KCNIP4: variants seen among roughly 807,000 people sequenced by gnomAD.
The protein encoded by KCNIP4 is Kv channel-interacting protein 4.
KCNIP4 carries 12 observed loss-of-function variants against 34.0 expected under a neutral mutation model. The ratio of observed to expected loss-of-function variants is 0.35; its 90% CI spans 0.23 to 0.57. The LOEUF is 0.57. Among genes scored for constraint, KCNIP4 ranks in the 20% least tolerant of loss-of-function variants. KCNIP4 has a pLI of 0.83. For missense variants in KCNIP4, 238 were observed against 311.7 expected, an observed-to-expected ratio of 0.76 and a Z score of 1.78; for synonymous variants, 124 against 102.2, an observed-to-expected ratio of 1.21 and a Z score of -1.29.
At chr4:20,816,164 G>A (rs1319362359) in intron 3 of KCNIP4, among the ~76,000 whole-genome samples, 1 of 150,342 alleles carries the variant, frequency 6.7e-6, no homozygotes, top group Non-Finnish European at 1.5e-5. Flanking sequence ...TGAGGCAGGA[G>A]AATCACTTGA....
At chr4:21,556,940 A>C (rs1159103680) in intron 1 of KCNIP4, among the ~76,000 whole-genome samples, 8 of 149,932 alleles carry the variant, frequency 5.3e-5, no homozygotes, top group Admixed American at 2.7e-4. Context: ...AAAAAAAAAA[A>C]AAACCAGAAA....
chr4:20,822,161 A>C (rs1056304336), intron 3 of KCNIP4, among the ~76,000 whole-genome samples: 3 of 152,232 alleles, frequency 2.0e-5, no homozygotes, highest in African/African-American at 7.2e-5. Flanking sequence ...TTTGGAAACT[A>C]TACATCCAAT....
intron 1 of KCNIP4, among the ~76,000 whole-genome samples, chr4:21,700,401 G>A (rs1712736972): frequency 6.6e-6 from 1 of 152,118 alleles, no homozygotes; most frequent in South Asian, 2.1e-4. Flanking sequence ...ATAAACGCCT[G>A]TTCAGGTCCT....
chr4:21,099,563 C>T (rs188030214), intron 1 of KCNIP4, among the ~76,000 whole-genome samples: 100 of 152,050 alleles, frequency 6.6e-4, no homozygotes, highest in Admixed American at 2.0e-3. Flanking sequence ...ACATGGCACA[C>T]GTTTACCTAT....
chr4:20,757,397 C>A (rs1266999311), intron 4 of KCNIP4, among the ~76,000 whole-genome samples: 2 of 152,108 alleles, frequency 1.3e-5, no homozygotes, highest in South Asian at 2.1e-4. Flanking sequence ...GTATCCCAAA[C>A]ACAAATCAAA....
intron 1 of KCNIP4, among the ~76,000 whole-genome samples, chr4:20,889,055 C>T (rs1725626462): frequency 6.6e-6 from 1 of 152,064 alleles, no homozygotes; most frequent in Non-Finnish European, 1.5e-5. Context: ...CTTTCACCAT[C>T]CTTTAAATTG....
rs115914682 is a variant in KCNIP4 at position 21,370,525 on chromosome 4, A to G, written c.62-487816T>C. On this transcript the variant is annotated intron_variant, in intron 1 of 8. Coordinates refer to ENST00000382152, the MANE Select transcript of KCNIP4 (RefSeq NM_025221.6). The stretch of plus-strand genomic sequence containing the variant: ...TATACAACATATAATAAAGTATAAA[A>G]ACCTATGTTCTAAGTGCTATTGAGA... 3.4e-3 allele frequency among the ~76,000 whole-genome samples: 496 copies of G among 145,182 alleles called. 77 individuals carry two copies. The highest frequency in any genetic ancestry group is 0.013 in the African/African-American group (460 of 35,300).
At chr4:21,626,420 G>C (rs754800769) in intron 1 of KCNIP4, among the ~76,000 whole-genome samples, 7 of 151,588 alleles carry the variant, frequency 4.6e-5, no homozygotes, top group Non-Finnish European at 1.0e-4. Context: ...TGTGCACAAA[G>C]AGGTCATGTG....
intron 1 of KCNIP4, among the ~76,000 whole-genome samples, chr4:21,263,322 G>C (rs1036048461): frequency 6.6e-6 from 1 of 152,186 alleles, no homozygotes; most frequent in Non-Finnish European, 1.5e-5. Context: ...TCAGAGCTAA[G>C]GAATGTGCCC....
At chr4:21,590,385 C>A (rs181614636) in intron 1 of KCNIP4, among the ~76,000 whole-genome samples, 1 of 151,838 alleles carries the variant, frequency 6.6e-6, no homozygotes, top group Non-Finnish European at 1.5e-5. Context: ...GATTGCAGGG[C>A]CCCTTGTTTA....
intron 1 of KCNIP4, among the ~76,000 whole-genome samples, chr4:21,381,646 A>G (rs1721516413): frequency 6.6e-6 from 1 of 152,198 alleles, no homozygotes; most frequent in African/African-American, 2.4e-5. Context: ...TAGTTTTAAA[A>G]GCCAACTTGG....
At chr4:21,029,266 A>C (rs1361292911) in intron 1 of KCNIP4, among the ~76,000 whole-genome samples, 1 of 152,176 alleles carries the variant, frequency 6.6e-6, no homozygotes, top group Non-Finnish European at 1.5e-5. Context: ...ACAGCTGATC[A>C]GGGGCTCTGA....
At chr4:21,534,370 C>T (rs1736980255) in intron 1 of KCNIP4, among the ~76,000 whole-genome samples, 1 of 152,084 alleles carries the variant, frequency 6.6e-6, no homozygotes, top group Non-Finnish European at 1.5e-5. Flanking sequence ...TTATCCTGAA[C>T]AGGGAATATG....
At position 21,761,720 on chromosome 4, in the gene KCNIP4, A is replaced by T. The variant is rs183599083; in HGVS notation, c.61+186851T>A. Among the ~76,000 whole-genome samples, 71 of 152,166 alleles carry T rather than the reference A, an allele frequency of 4.7e-4. 1 individual carries two copies. In the East Asian group the frequency reaches 0.012, roughly 25 times the overall value. On this transcript the variant is annotated intron_variant, in intron 1 of 8. Transcript: ENST00000382152. Reference sequence around the variant, plus strand: ...ATTAATTTTTAATTATTTCTTCCATATTTATTTTTTCCAAATTTACTCCTA... The same window carrying T: ...ATTAATTTTTAATTATTTCTTCCATTTTTATTTTTTCCAAATTTACTCCTA...
At chr4:21,578,711 CAT>C (rs918350612) in intron 1 of KCNIP4, among the ~76,000 whole-genome samples, 5 of 152,108 alleles carry the variant, frequency 3.3e-5, no homozygotes, top group South Asian at 2.1e-4. Context: ...TATTTAATCA[CAT>C]GTGTTTCTTC....
chr4:21,887,791 T>C (rs975624594), intron 1 of KCNIP4, among the ~76,000 whole-genome samples: 4 of 152,174 alleles, frequency 2.6e-5, no homozygotes, highest in Non-Finnish European at 5.9e-5. Flanking sequence ...CCATCCTTTA[T>C]ATATTCTAAC....
chr4:21,029,631 G>A (rs1350130357), intron 1 of KCNIP4, among the ~76,000 whole-genome samples: 1 of 152,230 alleles, frequency 6.6e-6, no homozygotes, highest in African/African-American at 2.4e-5. Flanking sequence ...CACCATTGGA[G>A]GGAAGCTGTT....
chr4:21,139,723 G>T (rs914477011), intron 1 of KCNIP4, among the ~76,000 whole-genome samples: 2 of 120,990 alleles, frequency 1.7e-5, no homozygotes, highest in Non-Finnish European at 3.5e-5. Context: ...CTTCTGCTCG[G>T]GCTTACTGTC....
intron 1 of KCNIP4, among the ~76,000 whole-genome samples, chr4:21,006,748 C>T (rs982616648): frequency 6.6e-6 from 1 of 152,012 alleles, no homozygotes; most frequent in Non-Finnish European, 1.5e-5. Context: ...AAGTGCATGC[C>T]GTGCCTGGGA....
Sources: gnomAD v4.1 joint callset for allele counts (sites outside exome capture counted in the v4.1 genomes callset) on GRCh38, gnomAD v4.1.1 for gene constraint, MANE v1.5 for transcripts, NCBI Gene and HGNC (gene_info 2026-07-23, HGNC 2026-07-21) for gene names.